Variants in SGCG observed in about 807,000 individuals in gnomAD.
SGCG encodes gamma-sarcoglycan.
A neutral mutation model predicts 29.3 loss-of-function variants in SGCG; 26 were observed. The ratio of observed to expected loss-of-function variants is 0.89; its 90% confidence interval spans 0.65 to 1.23. The LOEUF (loss-of-function observed/expected upper bound fraction) is 1.23. SGCG is among the 50% of genes most tolerant of loss of function. The pLI, the probability that SGCG is intolerant of heterozygous loss-of-function variation, is 0.00. For synonymous variants in SGCG, 145 were observed against 129.7 expected, an observed-to-expected ratio of 1.12 and a Z score of -0.80; for missense variants, 353 against 356.0, an observed-to-expected ratio of 0.99 and a Z score of 0.07.
the SGCG span, among the ~76,000 whole-genome samples, chr13:23,174,657 G>A: frequency 0.12 from 18,598 of 152,124 alleles, 1,193 homozygotes; most frequent in East Asian, 0.16. Flanking sequence ...GGGAAAAGCC[G>A]TAATGTCAAT....
At chr13:23,303,839 C>T (rs191554170) in intron 6 of SGCG, among the ~76,000 whole-genome samples, 86 of 152,292 alleles carry the variant, frequency 5.6e-4, no homozygotes, top group Non-Finnish European at 1.1e-3. Context: ...CGGTGACTTT[C>T]CCCTCCATTG....
intron 3 of SGCG, among the ~76,000 whole-genome samples, chr13:23,247,616 A>G (rs2018517): frequency 0.67 from 102,036 of 151,838 alleles, 34,691 homozygotes; most frequent in East Asian, 0.91. Flanking sequence ...GGTGATTTGT[A>G]TATTATATTC....
intron 6 of SGCG, among the ~76,000 whole-genome samples, chr13:23,313,459 C>G (rs1272598776): frequency 6.6e-6 from 1 of 152,192 alleles, no homozygotes; most frequent in Non-Finnish European, 1.5e-5. Flanking sequence ...GCCACTGAGC[C>G]TGGCCTTCTC....
intron 1 of SGCG, among the ~76,000 whole-genome samples, chr13:23,196,852 T>G (rs908329753): frequency 6.6e-6 from 1 of 152,180 alleles, no homozygotes; most frequent in Non-Finnish European, 1.5e-5. Context: ...TTACTGCCAC[T>G]AATTAACGTG....
intron 2 of SGCG, among the ~76,000 whole-genome samples, chr13:23,212,353 TAAGACTCGG>T (rs1431735192): frequency 6.7e-6 from 1 of 148,976 alleles, no homozygotes; most frequent in East Asian, 1.9e-4. Flanking sequence ...TTCTCTTTTG[TAAGACTCGG>T]ACTTATTTTT....
Position 23,255,418 on chromosome 13 carries a change from C to T in SGCG, c.385+4701C>T, listed in dbSNP as rs966747764. ...GATGAATCTCAGATGAGACTTAGGA[C>T]GTTGGACTTCATGCTGGAATGAGTT... On this transcript the variant is annotated intron_variant, in intron 4 of 7. Coordinates refer to ENST00000218867, the MANE Select transcript of SGCG (RefSeq NM_000231.3). Among the ~76,000 whole-genome samples, 4 of 152,098 alleles carry T rather than the reference C, an allele frequency of 2.6e-5. No homozygotes were observed. The South Asian group carries it at 6.2e-4, about 24-fold the overall frequency.
At chr13:23,271,040 C>A (rs568341559) in intron 4 of SGCG, among the ~76,000 whole-genome samples, 1 of 151,936 alleles carries the variant, frequency 6.6e-6, no homozygotes, top group Non-Finnish European at 1.5e-5. Context: ...GGAGAAACCC[C>A]GTCTCTATTA....
At chr13:23,264,138 G>A (rs1453548797) in intron 4 of SGCG, among the ~76,000 whole-genome samples, 2 of 151,834 alleles carry the variant, frequency 1.3e-5, no homozygotes, top group Non-Finnish European at 2.9e-5. Flanking sequence ...AGAAATCAAA[G>A]TATCTCTGTT....
intron 4 of SGCG, among the ~76,000 whole-genome samples, chr13:23,255,277 T>G (rs1880136235): frequency 6.6e-6 from 1 of 152,232 alleles, no homozygotes. Flanking sequence ...TTATTGCCCC[T>G]TTCCTTTGAC....
chr13:23,253,812 A>G (rs1880068431), intron 4 of SGCG, among the ~76,000 whole-genome samples: 1 of 152,142 alleles, frequency 6.6e-6, no homozygotes, highest in Non-Finnish European at 1.5e-5. Context: ...TTATCACTCC[A>G]TTAGTTCACA....
chr13:23,165,408 A>G, the SGCG span, among the ~76,000 whole-genome samples: 2 of 152,350 alleles, frequency 1.3e-5, no homozygotes, highest in Admixed American at 6.5e-5. Context: ...GTTTTGAACT[A>G]CAAATGTTGG....
intron 4 of SGCG, among the ~76,000 whole-genome samples, chr13:23,266,804 A>G (rs936626175): frequency 1.5e-4 from 23 of 152,182 alleles, no homozygotes; most frequent in African/African-American, 5.5e-4. Context: ...TCCTTACACC[A>G]TGATTGGAAG....
At chr13:23,262,088 A>T (rs1880459137) in intron 4 of SGCG, among the ~76,000 whole-genome samples, 2 of 152,052 alleles carry the variant, frequency 1.3e-5, no homozygotes, top group South Asian at 4.1e-4. Flanking sequence ...GTTATAAAAC[A>T]ATAACACAAT....
intron 3 of SGCG, among the ~76,000 whole-genome samples, 172 bp downstream of exon 3, chr13:23,234,884 C>T (rs1262913660): frequency 6.6e-6 from 1 of 152,016 alleles, no homozygotes; most frequent in East Asian, 1.9e-4. Flanking sequence ...CTGATATTAC[C>T]TTCTAAAAAT....
At chr13:23,240,251 A>G (rs1158581142) in intron 3 of SGCG, among the ~76,000 whole-genome samples, 2 of 152,230 alleles carry the variant, frequency 1.3e-5, no homozygotes, top group Non-Finnish European at 2.9e-5. Flanking sequence ...TTAAGATGAC[A>G]TAGGAATAAA....
intron 6 of SGCG, among the ~76,000 whole-genome samples, chr13:23,303,613 C>G (rs536725557): frequency 6.6e-6 from 1 of 152,146 alleles, no homozygotes; most frequent in Non-Finnish European, 1.5e-5. Context: ...GAAAGAGCTC[C>G]GGAAATCACA....
At chr13:23,181,485 G>A (rs1876733131) in intron 1 of SGCG, among the ~76,000 whole-genome samples, 1 of 152,088 alleles carries the variant, frequency 6.6e-6, no homozygotes, top group African/African-American at 2.4e-5. Context: ...TTTCTTGATA[G>A]TTTTGTTATA....
At chr13:23,214,846 C>T (rs946549597) in intron 2 of SGCG, among the ~76,000 whole-genome samples, 1 of 152,140 alleles carries the variant, frequency 6.6e-6, no homozygotes, top group African/African-American at 2.4e-5. Flanking sequence ...GGTATTATAT[C>T]AGTGCTTTCC....
At chr13:23,163,929 G>A in the SGCG span, among the ~76,000 whole-genome samples, 402 of 152,256 alleles carry the variant, frequency 2.6e-3, 2 homozygotes, top group African/African-American at 9.1e-3. Flanking sequence ...AAATTCCATG[G>A]ATTGTGTTAC....
Sources: gnomAD v4.1 joint callset for allele counts (sites outside exome capture counted in the v4.1 genomes callset) on GRCh38, gnomAD v4.1.1 for gene constraint, MANE v1.5 for transcripts, NCBI Gene and HGNC (gene_info 2026-07-23, HGNC 2026-07-21) for gene names.